The following BCAP31 variants were observed in gnomAD, a reference collection of about 807,000 sequenced individuals.
BCAP31 encodes the protein B-cell receptor-associated protein 31.
For missense variants in BCAP31, 124 were observed against 193.0 expected (o/e 0.64, Z 2.12); for synonymous variants, 75 against 80.9 (o/e 0.93, Z 0.39).
intron 3 of BCAP31, among the ~76,000 whole-genome samples, chrX:153,715,980 A>G (rs1293811247): frequency 9.4e-6 from 1 of 105,889 alleles, no homozygotes; most frequent in African/African-American, 3.6e-5. Context: ...CAACATGGCA[A>G]AACCCCATCT....
chrX:153,723,109 G>T, intron 2 of BCAP31, 44 bp downstream of exon 2: 1 of 1,196,916 alleles, frequency 8.4e-7, no homozygotes, highest in East Asian at 3.0e-5. Context: ...CTAGGGCACA[G>T]GCACCCTCCT....
rs782685374 is a variant in BCAP31 at position 153,720,851 on chromosome X, C to T, written c.193+21G>A. On this transcript the variant is annotated intron_variant, in intron 3 of 7. Coordinates refer to ENST00000345046, the MANE Select transcript of BCAP31 (RefSeq NM_001256447.2). ...ACCAGGGTCTAGGTCAGGTAGCTGC[C>T]CTCAGCCATAGCTCACTCACCGATG... 32 of 1,200,661 alleles carry T rather than the reference C, an allele frequency of 2.7e-5. No individual in the cohort carries two copies. In the Admixed American group the frequency reaches 6.8e-4, roughly 25 times the overall value.
rs782109941 is a variant in BCAP31 at position 153,703,919 on chromosome X, C to T, written c.477+40G>A. ...GAAGAATGTGGCTCCCACAGTGTAACACCAGGACGCCCCATGGTGGGTCGG... is the reference window on the plus strand; with the variant it reads ...GAAGAATGTGGCTCCCACAGTGTAATACCAGGACGCCCCATGGTGGGTCGG... On this transcript the variant is annotated intron_variant, in intron 5 of 7. Coordinates refer to ENST00000345046, the MANE Select transcript of BCAP31 (RefSeq NM_001256447.2). 8 of 1,201,978 alleles carry T rather than the reference C, an allele frequency of 6.7e-6. No individual in the cohort carries two copies. In the African/African-American group the frequency reaches 1.4e-4, roughly 21 times the overall value.
In BCAP31 at chrX:153,703,808, G is replaced by A. The variant is rs782374037; in HGVS notation, c.477+151C>T. ...CCAGCAGGCATACTCTCCCCACTGA[G>A]GACTTCCCCTCTGCGCCTCCACCCA... is the stretch of plus-strand genomic sequence containing the variant. On this transcript the variant is annotated intron_variant, in intron 5 of 7. Coordinates refer to ENST00000345046, the MANE Select transcript of BCAP31 (RefSeq NM_001256447.2). The A allele has an allele frequency of 5.0e-6, 4 of 804,875 alleles. No homozygotes were observed. In the South Asian group the frequency reaches 1.1e-4, roughly 21 times the overall value. The allele number at this position is 804,875 out of a possible 1,213,427, so 66.3% of individuals were successfully genotyped here. A position where few individuals can be genotyped will look rare whatever the true frequency, so the allele number is the denominator to read the frequency against.
chrX:153,711,904 CAAAAAA>C (rs34508364), intron 4 of BCAP31, among the ~76,000 whole-genome samples: 1 of 68,061 alleles, frequency 1.5e-5, no homozygotes, highest in East Asian at 4.5e-4. Flanking sequence ...GACTCTGTCT[CAAAAAA>C]AAAAAAAAAA....
At chrX:153,722,136 T>C (rs782495659) in intron 2 of BCAP31, among the ~76,000 whole-genome samples, 1 of 110,024 alleles carries the variant, frequency 9.1e-6, no homozygotes, top group Non-Finnish European at 1.9e-5. Flanking sequence ...CATCCACAAA[T>C]GCTTTGGGAT....
intron 3 of BCAP31, among the ~76,000 whole-genome samples, chrX:153,716,003 C>CA (rs67962983): frequency 9.9e-5 from 10 of 101,393 alleles, no homozygotes; most frequent in Admixed American, 1.1e-4. Flanking sequence ...ACTAAAAATA[C>CA]AAAAAAAAAA....
At chrX:153,715,827 T>C (rs2091623357) in intron 3 of BCAP31, 138 bp from the exon 4 acceptor site, 5 of 741,863 alleles carry the variant, frequency 6.7e-6, no homozygotes, top group Non-Finnish European at 1.0e-5. Flanking sequence ...CCCACTTCTA[T>C]GCACATACAC....
At chrX:153,709,731 C>T (rs1557048830) in intron 4 of BCAP31, among the ~76,000 whole-genome samples, 2 of 113,172 alleles carry the variant, frequency 1.8e-5, no homozygotes, top group Non-Finnish European at 3.7e-5. Flanking sequence ...AAAAGCCCAA[C>T]AAGTTCAACC....
At chrX:153,706,372 C>A (rs1190627065) in intron 4 of BCAP31, among the ~76,000 whole-genome samples, 5 of 112,450 alleles carry the variant, frequency 4.4e-5, no homozygotes. Context: ...TCTTTTCCCT[C>A]CCATATATTC....
At chrX:153,708,465 A>G (rs1407917285) in intron 4 of BCAP31, among the ~76,000 whole-genome samples, 1 of 112,461 alleles carries the variant, frequency 8.9e-6, no homozygotes, top group East Asian at 2.8e-4. Context: ...GAGTCAAGTC[A>G]TTCAACCCCC....
At chrX:153,722,985 G>C (rs969165787) in intron 2 of BCAP31, among the ~76,000 whole-genome samples, 168 bp downstream of exon 2, 3 of 110,013 alleles carry the variant, frequency 2.7e-5, no homozygotes, top group South Asian at 8.0e-4. Flanking sequence ...CAGAACCCTG[G>C]GAAGGGTTGG....
chrX:153,704,824 G>A (rs2091543732), intron 4 of BCAP31: 1 of 111,922 alleles, frequency 8.9e-6, no homozygotes, highest in Admixed American at 9.4e-5. Context: ...ACAGCACCCC[G>A]AATGAGGTCT....
At position 153,700,947 on chromosome X, in the gene BCAP31, T is replaced by C; in HGVS notation, c.731A>G (p.Lys244Arg). ...QAAVDGPMDK[K>R]EE The stretch of plus-strand genomic sequence containing the variant: ...GGAGGAAGGAGGCCCTTACTCTTCC[T>C]TCTTGTCCATGGGACCATCTACTGC... The change falls in exon 8 of 8, where the codon AAG becomes AGG. Residue 244 changes from lysine to arginine, a missense_variant. By Grantham distance (26) the Lys-to-Arg change is conservative. Coordinates refer to ENST00000345046, the MANE Select transcript of BCAP31 (RefSeq NM_001256447.2). The C allele has an allele frequency of 8.3e-7, 1 of 1,207,398 alleles. No homozygotes were observed. Among genetic ancestry groups the C allele is most frequent in the Non-Finnish European group, 1.1e-6 (1 of 893,586 alleles).
At chrX:153,715,401 C>T in intron 4 of BCAP31, 141 bp downstream of exon 4, 1 of 955,468 alleles carries the variant, frequency 1.0e-6, no homozygotes. Context: ...GCTTCCCTAA[C>T]ACAGACAGGG....
intron 4 of BCAP31, among the ~76,000 whole-genome samples, chrX:153,712,557 T>C (rs1189404003): frequency 3.6e-5 from 4 of 112,025 alleles, no homozygotes; most frequent in African/African-American, 9.7e-5. Context: ...GTTAACTTTT[T>C]TTAAACACGG....
chrX:153,723,566 C>A, intron 1 of BCAP31: 1 of 1,168,222 alleles, frequency 8.6e-7, no homozygotes, highest in South Asian at 1.9e-5. Flanking sequence ...ACGATCCCTG[C>A]CCCAGGAAGC....
chrX:153,723,561 C>G, intron 1 of BCAP31: 1 of 1,168,369 alleles, frequency 8.6e-7, no homozygotes, highest in Non-Finnish European at 1.1e-6. Context: ...TCCCGACGAT[C>G]CCTGCCCCAG....
At chrX:153,716,340 C>T (rs1557050116) in intron 3 of BCAP31, among the ~76,000 whole-genome samples, 1 of 109,232 alleles carries the variant, frequency 9.2e-6, no homozygotes, top group Non-Finnish European at 1.9e-5. Context: ...ACCCTCACCG[C>T]GTCTTGTTCT....
Sources: allele counts gnomAD v4.1 joint callset (sites outside exome capture counted in the v4.1 genomes callset), GRCh38; gene constraint gnomAD v4.1.1; transcripts MANE v1.5; gene names NCBI Gene and HGNC (gene_info 2026-07-23, HGNC 2026-07-21).